Variants in NUP153 observed in about 807,000 individuals in gnomAD.
NUP153 encodes nucleoporin 153, also known as nuclear pore complex protein Nup153.
In NUP153, 27 loss-of-function variants were observed where a neutral mutation model predicts 134.6. The observed-to-expected ratio is 0.20, with a 90% CI of 0.15 to 0.28. The LOEUF (loss-of-function observed/expected upper bound fraction) is 0.28. Among genes scored for constraint, NUP153 ranks in the 10% least tolerant of loss-of-function variants. The pLI is 1.00. For synonymous variants in NUP153, 640 were observed against 623.5 expected (o/e 1.03, Z -0.40); for missense variants, 1,821 against 1,731.3 (o/e 1.05, Z -0.92).
Position 17,665,371 on chromosome 6 carries a change from A to G in NUP153, c.1083T>C (p.Tyr361=), listed in dbSNP as rs753713746. 2.5e-6 allele frequency: 4 copies of G among 1,610,626 alleles called. No homozygotes were observed. In the Admixed American group the frequency reaches 6.8e-5, roughly 27 times the overall value. ...QAKREKVDSQ[Y]PPVQRLMTPK... ...GGGTCATAAGTCTCTGAACAGGAGGATATTGAGAATCCACCTTACAGGTAA... is the reference window on the plus strand; with the variant it reads ...GGGTCATAAGTCTCTGAACAGGAGGGTATTGAGAATCCACCTTACAGGTAA... Residue 361 remains tyrosine (Y), a synonymous_variant, in exon 9 of 22, where the codon TAT becomes TAC. Coordinates refer to ENST00000262077, the MANE Select transcript of NUP153 (RefSeq NM_005124.4).
intron 1 of NUP153, among the ~76,000 whole-genome samples, chr6:17,704,388 A>G (rs1357149832): frequency 3.3e-5 from 5 of 152,194 alleles, no homozygotes; most frequent in Admixed American, 6.6e-5. Flanking sequence ...TATATTTAAA[A>G]CAAGTCATTT....
intron 2 of NUP153, among the ~76,000 whole-genome samples, chr6:17,676,476 C>T (rs377030939): frequency 5.4e-4 from 82 of 152,016 alleles, no homozygotes; most frequent in African/African-American, 1.7e-3. Flanking sequence ...CCCACCTTCC[C>T]GTTATTAAAA....
At chr6:17,678,377 A>AAAAAAAAAAT (rs1768361448) in intron 2 of NUP153, among the ~76,000 whole-genome samples, 1 of 145,612 alleles carries the variant, frequency 6.9e-6, no homozygotes, top group African/African-American at 2.5e-5. Context: ...AAAAAAAAAG[A>AAAAAAAAAAT]TTCTGGCCTT....
chr6:17,643,288 A>G (rs764335513), intron 14 of NUP153, among the ~76,000 whole-genome samples: 5 of 152,214 alleles, frequency 3.3e-5, no homozygotes, highest in Non-Finnish European at 7.3e-5. Flanking sequence ...GCCTGGCAAC[A>G]TGACGAAACC....
chr6:17,629,051 G>T lies in NUP153; in HGVS notation c.3148C>A (p.Leu1050Ile). ...VTSENKSSFNLGTIETKSASV... is the reference protein window; with the variant it reads ...VTSENKSSFNIGTIETKSASV... ...GCACTCTTGGTTTCTATGGTTCCAA[G>T]GTTGAAGCTGCTCTTGTTCTCAGAG... Residue 1050 changes from leucine (L) to isoleucine (I), a missense_variant, in exon 18 of 22, where the codon CTT (leucine) becomes ATT (isoleucine). By Grantham distance (5) the Leu-to-Ile change is conservative (BLOSUM62 2). Transcript: ENST00000262077. The T allele has an allele frequency of 6.2e-7, 1 of 1,614,198 alleles. No individual in the cohort carries two copies. Among genetic ancestry groups the T allele is most frequent in the Non-Finnish European group, 8.5e-7 (1 of 1,180,036 alleles).
intron 2 of NUP153, among the ~76,000 whole-genome samples, chr6:17,682,423 C>T (rs752805738): frequency 1.1e-4 from 17 of 152,090 alleles, no homozygotes; most frequent in Admixed American, 2.0e-4. Context: ...TTTGCCTCAT[C>T]GACTGACTAT....
chr6:17,695,881 C>A (rs1041420373), intron 1 of NUP153, among the ~76,000 whole-genome samples: 1 of 152,000 alleles, frequency 6.6e-6, no homozygotes, highest in Non-Finnish European at 1.5e-5. Context: ...TGGTGGCGGG[C>A]ACCTGTAGTC....
Position 17,675,598 on chromosome 6 carries a change from A to C in NUP153, c.507T>G (p.Ile169Met), listed in dbSNP as rs1266458744. The C allele has an allele frequency of 1.2e-6, 2 of 1,614,086 alleles. No homozygotes were observed. The highest frequency in any genetic ancestry group is 1.7e-5 in the Admixed American group (1 of 60,016). ...CATCATGCTGAGAGGTAGAATCTTT[A>C]ATTTCCTTTACAAGGGAAAATCCCG... ...GSSGFSLVKEIKDSTSQHDDD... is the reference protein window; with the variant it reads ...GSSGFSLVKEMKDSTSQHDDD... Residue 169 changes from isoleucine to methionine, a missense_variant, in exon 3 of 22, where the codon ATT (isoleucine) becomes ATG (methionine). Transcript: ENST00000262077. The surrounding 1 kb of genome is among the most constrained non-coding windows in gnomAD (Gnocchi z 4.4).
chr6:17,697,340 G>T (rs537985143), intron 1 of NUP153, among the ~76,000 whole-genome samples: 1 of 152,166 alleles, frequency 6.6e-6, no homozygotes, highest in Admixed American at 6.5e-5. Context: ...AACATTCAAC[G>T]TATAAGGTAT....
At chr6:17,672,675 A>AAAAAAAC (rs756798667) in intron 5 of NUP153, among the ~76,000 whole-genome samples, 7 of 151,992 alleles carry the variant, frequency 4.6e-5, no homozygotes, top group African/African-American at 1.2e-4. Flanking sequence ...CCCATATGTT[A>AAAAAAAC]AAAAAACAAA....
At chr6:17,703,999 GCTGTGAT>G (rs1329269797) in intron 1 of NUP153, among the ~76,000 whole-genome samples, 1 of 152,124 alleles carries the variant, frequency 6.6e-6, no homozygotes, top group Non-Finnish European at 1.5e-5. Flanking sequence ...GTACATTTAA[GCTGTGAT>G]CAGGGGCCGG....
intron 1 of NUP153, among the ~76,000 whole-genome samples, chr6:17,696,527 G>A (rs569612812): frequency 2.8e-4 from 43 of 152,208 alleles, no homozygotes; most frequent in African/African-American, 3.6e-4. Flanking sequence ...AGGCCGAGGC[G>A]GGTGGATCAC....
chr6:17,695,758 CCAACA>C (rs1401353255), intron 1 of NUP153, among the ~76,000 whole-genome samples: 2 of 152,100 alleles, frequency 1.3e-5, no homozygotes, highest in African/African-American at 4.8e-5. Context: ...GCCTGTAATC[CCAACA>C]CTTTAGGAGG....
chr6:17,622,369 G>A (rs1764686834), intron 20 of NUP153, among the ~76,000 whole-genome samples: 1 of 152,226 alleles, frequency 6.6e-6, no homozygotes, highest in African/African-American at 2.4e-5. Flanking sequence ...GCAGGCTCAG[G>A]CAGGAGGATG....
intron 2 of NUP153, among the ~76,000 whole-genome samples, chr6:17,679,641 C>G (rs1768457613): frequency 6.6e-6 from 1 of 152,170 alleles, no homozygotes; most frequent in African/African-American, 2.4e-5. Flanking sequence ...GTAATGAAAA[C>G]AATGTGGCAC....
At chr6:17,695,281 G>A (rs1375766588) in intron 1 of NUP153, among the ~76,000 whole-genome samples, 1 of 151,842 alleles carries the variant, frequency 6.6e-6, no homozygotes, top group Non-Finnish European at 1.5e-5. Flanking sequence ...CAGCAGCATT[G>A]GTGTAGCCTA....
At chr6:17,626,278 AG>A in intron 18 of NUP153, 114 bp from the exon 19 acceptor site, 2 of 719,278 alleles carry the variant, frequency 2.8e-6, no homozygotes, top group Middle Eastern at 4.0e-4. Flanking sequence ...GCTAGAAAAT[AG>A]ATTTTTTATA....
At chr6:17,672,043 C>A (rs1308744403) in intron 5 of NUP153, among the ~76,000 whole-genome samples, 2 of 151,976 alleles carry the variant, frequency 1.3e-5, no homozygotes, top group African/African-American at 4.8e-5. Context: ...AAAATCCTAG[C>A]AGACTGTAGA....
At chr6:17,693,183 T>TACACACACACACACACACACACAC (rs67348223) in intron 1 of NUP153, among the ~76,000 whole-genome samples, 5 of 145,824 alleles carry the variant, frequency 3.4e-5, no homozygotes, top group African/African-American at 1.3e-4. Flanking sequence ...AGCTTTTTCC[T>TACACACACACACACACACACACAC]ACACACACAC....
Sources: gnomAD v4.1 joint callset for allele counts (sites outside exome capture counted in the v4.1 genomes callset) on GRCh38, gnomAD v4.1.1 for gene constraint, Gnocchi (gnomAD v3.1) non-coding constraint, MANE v1.5 for transcripts, NCBI Gene and HGNC (gene_info 2026-07-23, HGNC 2026-07-21) for gene names.